Variants in PCYT1B observed in about 807,000 individuals in gnomAD.
The protein encoded by PCYT1B is phosphate cytidylyltransferase 1B, choline, also known as choline-phosphate cytidylyltransferase B.
PCYT1B carries 10 observed loss-of-function variants against 26.4 expected under a neutral mutation model. The observed-to-expected ratio is 0.38, with a 90% CI of 0.23 to 0.64. PCYT1B has a LOEUF of 0.64. Among genes scored for constraint, PCYT1B ranks in the 30% least tolerant of loss-of-function variants. PCYT1B has a pLI of 0.56. For missense variants in PCYT1B, 161 were observed against 292.7 expected (o/e 0.55, Z 3.28); for synonymous variants, 131 against 108.4 (o/e 1.21, Z -1.29).
intron 2 of PCYT1B, among the ~76,000 whole-genome samples, chrX:24,613,641 C>T (rs1602180806): frequency 9.0e-6 from 1 of 110,745 alleles, no homozygotes. Context: ...AAATCAGAAC[C>T]GAGATTCCCT....
chrX:24,564,648 G>A (rs942778815), intron 7 of PCYT1B, among the ~76,000 whole-genome samples: 11 of 110,974 alleles, frequency 9.9e-5, no homozygotes, highest in African/African-American at 3.0e-4. Context: ...CACCGCGCCC[G>A]GCCAGTTCTG....
chrX:24,629,677 C>T (rs891171167), intron 1 of PCYT1B, among the ~76,000 whole-genome samples: 1 of 105,016 alleles, frequency 9.5e-6, no homozygotes, highest in Admixed American at 1.1e-4. Flanking sequence ...ATGCTCACAT[C>T]TAGGTCAGCT....
chrX:24,604,050 T>C (rs1219807963), intron 3 of PCYT1B, among the ~76,000 whole-genome samples: 1 of 108,426 alleles, frequency 9.2e-6, no homozygotes, highest in Non-Finnish European at 1.9e-5. Flanking sequence ...GGATCAAATA[T>C]TAAATTAATG....
chrX:24,559,808 A>G lies in PCYT1B; in HGVS notation c.*2485T>C, dbSNP rs1369666030. On this transcript the variant is annotated 3_prime_UTR_variant, in exon 8 of 8. Transcript: ENST00000379144. The stretch of plus-strand genomic sequence containing the variant: ...AGGTGGTGTGGGGGTAGGGGCTGGG[A>G]GAGACTGAGAGATGGCCAAAAAGTA... 1.8e-5 allele frequency: 2 copies of G among 111,418 alleles called. No individual in the cohort carries two copies. The highest frequency in any genetic ancestry group is 3.8e-5 in the Non-Finnish European group (2 of 53,071). 9.2% of individuals were successfully genotyped at this position (111,418 alleles called of 1,213,427 possible).
At chrX:24,651,454 CAAAAAA>C (rs1188690484), upstream of PCYT1B, among the ~76,000 whole-genome samples, 7 of 11,069 alleles carry the variant, frequency 6.3e-4, no homozygotes, top group Admixed American at 1.7e-3. Flanking sequence ...GATGCCATCT[CAAAAAA>C]AAAAAAAAAA....
chrX:24,589,459 G>C (rs1025603671), intron 4 of PCYT1B, among the ~76,000 whole-genome samples: 1 of 111,723 alleles, frequency 9.0e-6, no homozygotes, highest in Non-Finnish European at 1.9e-5. Context: ...AGGATTCTCA[G>C]GGTCACAAAA....
intron 1 of PCYT1B, among the ~76,000 whole-genome samples, chrX:24,671,606 G>A (rs1927258497): frequency 9.0e-6 from 1 of 111,229 alleles, no homozygotes; most frequent in Non-Finnish European, 1.9e-5. Context: ...GCATGAGAAG[G>A]TTTTGAAGGG....
At chrX:24,654,100 CTTTTTTT>C (rs35924266) in intron 1 of PCYT1B, among the ~76,000 whole-genome samples, 2 of 33,107 alleles carry the variant, frequency 6.0e-5, no homozygotes, top group Non-Finnish European at 1.3e-4. Flanking sequence ...TTCTTTCTTT[CTTTTTTT>C]TTTTTTTTTT....
intron 1 of PCYT1B, among the ~76,000 whole-genome samples, chrX:24,626,922 AC>A (rs1374457821): frequency 8.9e-6 from 1 of 112,076 alleles, no homozygotes. Context: ...TAAACAAGCA[AC>A]AAAAAAGAAC....
rs1461135297 is a variant in PCYT1B at position 24,666,802 on chromosome X, T to C, written c.63+5768A>G. ...ATTTTATGCCAGTTGCACCATTTTC[T>C]TTACCCCATAGTATTTGAGAGCTGG... is the stretch of plus-strand genomic sequence containing the variant. On this transcript the variant is annotated intron_variant, in intron 1 of 7. Coordinates refer to the PCYT1B transcript ENST00000379145. Among the ~76,000 whole-genome samples the C allele has an allele frequency of 2.7e-5, 3 of 111,660 alleles. No individual in the cohort carries two copies. In the East Asian group the frequency reaches 8.4e-4, roughly 31 times the overall value.
chrX:24,653,121 A>G lies in PCYT1B; in HGVS notation c.63+19449T>C, dbSNP rs1226970458. Among the ~76,000 whole-genome samples, 4 of 112,058 alleles carry G rather than the reference A, an allele frequency of 3.6e-5. No individual in the cohort carries two copies. In the East Asian group the frequency reaches 1.1e-3, roughly 31 times the overall value. Reference sequence around the variant, plus strand: ...CAAAACAGTATTTTCAAAGATCTGCAAAGAAGAACTACTAGGTTGGTGCAA... The same window carrying G: ...CAAAACAGTATTTTCAAAGATCTGCGAAGAAGAACTACTAGGTTGGTGCAA... On this transcript the variant is annotated intron_variant, in intron 1 of 7. Transcript: ENST00000379145.
chrX:24,637,211 C>T (rs774407203), intron 1 of PCYT1B, among the ~76,000 whole-genome samples: 6 of 109,201 alleles, frequency 5.5e-5, no homozygotes, highest in Admixed American at 4.0e-4. Context: ...CATCTAGGCA[C>T]ATCTTGCTTC....
At chrX:24,647,766 G>A (rs375697222), upstream of PCYT1B, among the ~76,000 whole-genome samples, 152 of 112,801 alleles carry the variant, frequency 1.3e-3, 5 homozygotes, top group South Asian at 0.056. Flanking sequence ...GGGCCCCTCC[G>A]GGCATTCACT....
chrX:24,627,908 A>C (rs1925930776), intron 1 of PCYT1B, among the ~76,000 whole-genome samples: 4 of 111,775 alleles, frequency 3.6e-5, no homozygotes, highest in African/African-American at 6.5e-5. Flanking sequence ...AACTGGAAGG[A>C]TGGCATTGCC....
Position 24,647,090 on chromosome X carries a change from T to A in PCYT1B, c.16A>T (p.Thr6Ser). MPVVT[T>S]DAESETGIPK... ...ATACCTGTTTCTGACTCAGCATCAG[T>A]GGTAACTACTGGCATGGCCAGTGAA... Residue 6 changes from threonine (T) to serine (S), a missense_variant, in exon 1 of 8, where the codon ACT (threonine) becomes TCT (serine). By Grantham distance (58) the Thr-to-Ser change is moderately conservative (BLOSUM62 1). Around this residue, in one of 4 missense-constraint regions of PCYT1B, gnomAD observed 51 missense variants for 51.0 expected, o/e 1.00. Coordinates refer to ENST00000379144, the MANE Select transcript of PCYT1B (RefSeq NM_004845.5). 8.3e-7 allele frequency: 1 copy of A among 1,205,652 alleles called. No homozygotes were observed.
At chrX:24,577,601 ACT>A (rs1265924005) in intron 6 of PCYT1B, among the ~76,000 whole-genome samples, 1 of 111,345 alleles carries the variant, frequency 9.0e-6, no homozygotes, top group Non-Finnish European at 1.9e-5. Context: ...CAGAGCCTAG[ACT>A]CTCAACACTC....
intron 7 of PCYT1B, among the ~76,000 whole-genome samples, chrX:24,569,758 G>A (rs1348084284): frequency 8.9e-6 from 1 of 112,008 alleles, no homozygotes; most frequent in Non-Finnish European, 1.9e-5. Context: ...GGGCAGAAGG[G>A]GATAGGGAGC....
chrX:24,579,443 G>A lies in PCYT1B; in HGVS notation c.581C>T (p.Thr194Met). 1.7e-6 allele frequency: 2 copies of A among 1,209,032 alleles called. No individual in the cohort carries two copies. Among genetic ancestry groups the A allele is most frequent in the Non-Finnish European group, 1.1e-6 (1 of 893,493 alleles). ...TGTTGAGATGCCTTCTGTTCTCTGC[G>A]TTGGAACGAACATCCCTGTTCAAGT... ...HIKEAGMFVP[T>M]QRTEGISTSD... The change falls in exon 6 of 8, where the codon ACG becomes ATG. Residue 194 changes from threonine to methionine, a missense_variant. Transcript: ENST00000379144.
intron 1 of PCYT1B, among the ~76,000 whole-genome samples, chrX:24,642,715 G>A (rs61760931): frequency 2.6e-3 from 292 of 111,809 alleles, no homozygotes; most frequent in African/African-American, 8.9e-3. Flanking sequence ...GGAAGCTCAC[G>A]TTTGTTTATT....
Sources: gnomAD v4.1 joint callset for allele counts (sites outside exome capture counted in the v4.1 genomes callset) on GRCh38, gnomAD v4.1.1 for gene constraint, gnomAD v4.1.1 regional missense constraint, MANE v1.5 for transcripts, NCBI Gene and HGNC (gene_info 2026-07-23, HGNC 2026-07-21) for gene names.